Variants in NCKAP5 observed in about 807,000 individuals in gnomAD.
NCKAP5 encodes NCK associated protein 5.
In NCKAP5, 92 loss-of-function variants were observed where a neutral mutation model predicts 167.0. The observed-to-expected ratio is 0.55, with a 90% CI of 0.47 to 0.66. The LOEUF (loss-of-function observed/expected upper bound fraction) is 0.66. NCKAP5 is among the 30% of genes least tolerant of loss of function. The pLI is 0.00. For missense variants in NCKAP5, 2,378 were observed against 2,315.0 expected (o/e 1.03, Z -0.56); for synonymous variants, 891 against 877.4 (o/e 1.02, Z -0.27).
chr2:133,159,531 T>C (rs1185476711), intron 5 of NCKAP5, among the ~76,000 whole-genome samples: 1 of 152,132 alleles, frequency 6.6e-6, no homozygotes, highest in Non-Finnish European at 1.5e-5. Context: ...ACAAAGACCC[T>C]ATGAACGATC....
the NCKAP5 span, among the ~76,000 whole-genome samples, chr2:133,574,076 T>A: frequency 6.6e-6 from 1 of 152,126 alleles, no homozygotes; most frequent in African/African-American, 2.4e-5. Flanking sequence ...TTCACCTGAT[T>A]CTGGGAGGCC....
chr2:132,874,858 G>A (rs941307615), intron 9 of NCKAP5, among the ~76,000 whole-genome samples: 1 of 152,044 alleles, frequency 6.6e-6, no homozygotes, highest in Non-Finnish European at 1.5e-5. Context: ...GATGCAAAGG[G>A]CTCCCAGAAA....
the NCKAP5 span, among the ~76,000 whole-genome samples, chr2:133,667,092 C>G: frequency 1.3e-5 from 2 of 151,980 alleles, no homozygotes; most frequent in African/African-American, 4.8e-5. Context: ...AGATTGAAAG[C>G]CTGATTAACA....
intron 5 of NCKAP5, among the ~76,000 whole-genome samples, chr2:133,212,120 T>C (rs1022719774): frequency 1.3e-5 from 2 of 152,176 alleles, no homozygotes; most frequent in Non-Finnish European, 2.9e-5. Flanking sequence ...ATTCCCACCT[T>C]CCCATTTTAA....
intron 6 of NCKAP5, among the ~76,000 whole-genome samples, chr2:133,062,137 G>A (rs1218325004): frequency 1.3e-5 from 2 of 152,140 alleles, no homozygotes. Flanking sequence ...GCTCCTGTAA[G>A]GAATTATAAT....
At position 132,785,418 on chromosome 2, in the gene NCKAP5, G is replaced by A. The variant is rs61746268; in HGVS notation, c.1393C>T (p.His465Tyr). ...TCTAGATCATAAACAAATGTCTTGT[G>A]GGGTTCCTTGCAGGGGCTCCCCAGG... ...ADLGSPCKEP[H>Y]KTFVYDLDSH... Residue 465 changes from histidine to tyrosine, a missense_variant, in exon 14 of 20, where the codon CAC becomes TAC. Transcript: ENST00000409261. 7.1e-3 allele frequency: 11,386 copies of A among 1,613,900 alleles called. 50 individuals are homozygous for A. The highest frequency in any genetic ancestry group is 8.9e-3 in the Non-Finnish European group (10,504 of 1,179,858).
At chr2:132,973,782 T>C (rs1294295322) in intron 7 of NCKAP5, among the ~76,000 whole-genome samples, 1 of 152,030 alleles carries the variant, frequency 6.6e-6, no homozygotes, top group Non-Finnish European at 1.5e-5. Context: ...GCTGTGTACT[T>C]TTCTTGGGCC....
At chr2:133,485,966 A>T (rs972441329) in intron 3 of NCKAP5, among the ~76,000 whole-genome samples, 1 of 152,184 alleles carries the variant, frequency 6.6e-6, no homozygotes, top group Non-Finnish European at 1.5e-5. Flanking sequence ...AGGATAAACT[A>T]TGGCCTAAGA....
At chr2:132,991,139 A>G (rs2077436613) in intron 7 of NCKAP5, among the ~76,000 whole-genome samples, 1 of 152,158 alleles carries the variant, frequency 6.6e-6, no homozygotes, top group Non-Finnish European at 1.5e-5. Context: ...CTACTTCTTG[A>G]TTGTACATCC....
intron 4 of NCKAP5, among the ~76,000 whole-genome samples, chr2:133,241,995 G>A (rs905543804): frequency 1.3e-4 from 20 of 151,634 alleles, no homozygotes; most frequent in African/African-American, 4.6e-4. Flanking sequence ...GCGGGTGCCT[G>A]TAATCCCAGC....
intron 3 of NCKAP5, among the ~76,000 whole-genome samples, chr2:133,346,612 G>A (rs4610101): frequency 0.038 from 5,746 of 152,270 alleles, 343 homozygotes; most frequent in African/African-American, 0.13. Flanking sequence ...CCAGGGCTGC[G>A]GGCCCCTCAC....
At chr2:132,823,172 A>G (rs975308995) in intron 11 of NCKAP5, among the ~76,000 whole-genome samples, 1 of 152,240 alleles carries the variant, frequency 6.6e-6, no homozygotes, top group African/African-American at 2.4e-5. Flanking sequence ...ATAGAGATCT[A>G]GACATTCAAA....
chr2:133,581,616 C>T, the NCKAP5 span, among the ~76,000 whole-genome samples: 1 of 152,252 alleles, frequency 6.6e-6, no homozygotes, highest in East Asian at 1.9e-4. Context: ...TGGAATGGGG[C>T]TGAACCAAAC....
chr2:133,613,988 G>C, the NCKAP5 span, among the ~76,000 whole-genome samples: 11 of 152,326 alleles, frequency 7.2e-5, no homozygotes, highest in Admixed American at 2.0e-4. Context: ...TAAGATGGCA[G>C]ATAGCAGGCA....
chr2:133,415,183 T>G (rs769418687), intron 3 of NCKAP5, among the ~76,000 whole-genome samples: 2 of 152,366 alleles, frequency 1.3e-5, no homozygotes, highest in South Asian at 4.1e-4. Context: ...ATGTTGCCAT[T>G]TGTACCATGT....
intron 11 of NCKAP5, among the ~76,000 whole-genome samples, chr2:132,829,802 G>T (rs991569274): frequency 6.6e-6 from 1 of 152,156 alleles, no homozygotes; most frequent in Non-Finnish European, 1.5e-5. Context: ...TGGTGGTGGT[G>T]CAGGGACCTC....
chr2:133,259,167 C>T (rs2088781460), intron 4 of NCKAP5, among the ~76,000 whole-genome samples: 1 of 152,130 alleles, frequency 6.6e-6, no homozygotes, highest in South Asian at 2.1e-4. Flanking sequence ...AGCTGATACT[C>T]TCCTTCCCCC....
At chr2:133,404,463 G>T (rs1003840384) in intron 3 of NCKAP5, among the ~76,000 whole-genome samples, 7 of 152,088 alleles carry the variant, frequency 4.6e-5, no homozygotes, top group South Asian at 2.1e-4. Flanking sequence ...TATGAAGTAG[G>T]CATAGTAAAA....
At chr2:132,690,725 G>A (rs72844751) in intron 19 of NCKAP5, among the ~76,000 whole-genome samples, 5 of 152,056 alleles carry the variant, frequency 3.3e-5, no homozygotes, top group Admixed American at 6.5e-5. Flanking sequence ...TTCTGGGAAG[G>A]TTCAGCCAAT....
Sources: gnomAD v4.1 joint callset for allele counts (sites outside exome capture counted in the v4.1 genomes callset) on GRCh38, gnomAD v4.1.1 for gene constraint, MANE v1.5 for transcripts, NCBI Gene and HGNC (gene_info 2026-07-23, HGNC 2026-07-21) for gene names.